The following PREP variants were observed in gnomAD, a reference collection of about 807,000 sequenced individuals.
PREP encodes the protein prolyl endopeptidase, also known as dJ355L5.1 (prolyl endopeptidase).
PREP carries 29 observed loss-of-function variants against 87.6 expected under a neutral mutation model. The ratio of observed to expected loss-of-function variants is 0.33; its 90% CI spans 0.25 to 0.45. The LOEUF is 0.45. Ranked by LOEUF, PREP falls within the 20% of genes least tolerant of loss-of-function variation. PREP has a pLI of 1.00. For synonymous variants in PREP, 337 were observed against 328.6 expected (o/e 1.03, Z -0.28); for missense variants, 695 against 886.5 (o/e 0.78, Z 2.74).
At chr6:105,360,179 T>C (rs1772210382) in intron 6 of PREP, among the ~76,000 whole-genome samples, 1 of 152,176 alleles carries the variant, frequency 6.6e-6, no homozygotes, top group African/African-American at 2.4e-5. Context: ...AGATCTCAAC[T>C]TTAGTGCTGA....
At chr6:105,322,348 C>G (rs907592702) in intron 10 of PREP, 1 of 929,118 alleles carries the variant, frequency 1.1e-6, no homozygotes, top group African/African-American at 1.8e-5. Context: ...TATACCTTAT[C>G]TCTTAATAAT....
At chr6:105,324,606 G>C (rs1583055969) in intron 9 of PREP, among the ~76,000 whole-genome samples, 1 of 152,110 alleles carries the variant, frequency 6.6e-6, no homozygotes, top group Non-Finnish European at 1.5e-5. Flanking sequence ...ATAATACTTT[G>C]AGCATATGCT....
intron 9 of PREP, among the ~76,000 whole-genome samples, chr6:105,326,283 A>T (rs1771156596): frequency 6.6e-6 from 1 of 152,148 alleles, no homozygotes; most frequent in Non-Finnish European, 1.5e-5. Flanking sequence ...CACCCTAGGC[A>T]ACTCTCCAAG....
chr6:105,363,809 C>T (rs546331458), intron 6 of PREP, among the ~76,000 whole-genome samples: 62 of 152,168 alleles, frequency 4.1e-4, no homozygotes, highest in Non-Finnish European at 7.9e-4. Context: ...GTCTGAATCT[C>T]GAGGGAATGC....
chr6:105,365,579 T>G (rs1395076231), intron 6 of PREP, among the ~76,000 whole-genome samples: 1 of 152,158 alleles, frequency 6.6e-6, no homozygotes, highest in Admixed American at 6.5e-5. Context: ...TACTCCTCCA[T>G]GTAGCAAGAT....
intron 2 of PREP, among the ~76,000 whole-genome samples, chr6:105,391,470 T>A (rs562737385): frequency 9.8e-4 from 150 of 152,316 alleles, no homozygotes; most frequent in Non-Finnish European, 1.5e-3. Context: ...AATCCTCCCA[T>A]CTTGGCCTCC....
At chr6:105,280,126 GA>G (rs1176597118) in intron 14 of PREP, among the ~76,000 whole-genome samples, 1 of 152,110 alleles carries the variant, frequency 6.6e-6, no homozygotes, top group African/African-American at 2.4e-5. Flanking sequence ...CAAACAAAAT[GA>G]AAGAGCAAAC....
At chr6:105,386,487 C>G (rs1315175065) in intron 2 of PREP, among the ~76,000 whole-genome samples, 1 of 152,082 alleles carries the variant, frequency 6.6e-6, no homozygotes, top group Non-Finnish European at 1.5e-5. Flanking sequence ...AGAGCTGATT[C>G]AAATGGTCAG....
chr6:105,377,267 T>C, intron 3 of PREP, 119 bp downstream of exon 3: 1 of 1,189,424 alleles, frequency 8.4e-7, no homozygotes, highest in Non-Finnish European at 1.2e-6. Flanking sequence ...GGCATAGAAA[T>C]TAATTCCTTA....
chr6:105,352,838 G>GA (rs371662381), intron 7 of PREP, 134 bp downstream of exon 7: 73 of 794,858 alleles, frequency 9.2e-5, no homozygotes, highest in South Asian at 1.2e-4. Context: ...AGTACTAAAA[G>GA]AAAAAAAATC....
chr6:105,376,161 T>A lies in PREP; in HGVS notation c.349A>T (p.Asn117Tyr). ...ACTGTGCCATCGTCAGACAGTATGT[T>A]GGGGTCCAGGAACACTCTGGCCTCA... Reference protein sequence around the residue: ...EGEARVFLDPNILSDDGTVAL... With the variant: ...EGEARVFLDPYILSDDGTVAL... The change falls in exon 4 of 15, where the codon AAC becomes TAC. Residue 117 changes from asparagine to tyrosine, a missense_variant. Asn to Tyr is a moderately radical substitution (Grantham distance 143). Transcript: ENST00000652536. 1 of 1,613,920 alleles carries A rather than the reference T, an allele frequency of 6.2e-7. No individual in the cohort carries two copies. Among genetic ancestry groups the A allele is most frequent in the Non-Finnish European group, 8.5e-7 (1 of 1,179,852 alleles).
At position 105,374,632 on chromosome 6, in the gene PREP, TTATATATATATA is replaced by T. The variant is rs61452752; in HGVS notation, c.386-1066_386-1055del. On this transcript the variant is annotated intron_variant, in intron 4 of 14. Coordinates refer to ENST00000652536, the MANE Select transcript of PREP (RefSeq NM_002726.5). ...CATAGCACTGGAGTGTTTGAATTGT[TTATATATATATA>T]TATATATATATATATATATATATAT... Among the ~76,000 whole-genome samples the T allele has an allele frequency of 1.2e-3, 113 of 91,764 alleles. 3 individuals are homozygous for T. Among genetic ancestry groups the T allele is most frequent in the East Asian group, 2.2e-3 (4 of 1,818 alleles). The allele number at this position is 91,764 out of a possible 152,430, so 60.2% of individuals were successfully genotyped here. A position where few individuals can be genotyped will look rare whatever the true frequency, so the allele number is the denominator to read the frequency against.
At chr6:105,360,636 A>G (rs1583081081) in intron 6 of PREP, among the ~76,000 whole-genome samples, 1 of 152,228 alleles carries the variant, frequency 6.6e-6, no homozygotes, top group Non-Finnish European at 1.5e-5. Flanking sequence ...TATAAAATAC[A>G]TATTTTATAC....
intron 6 of PREP, among the ~76,000 whole-genome samples, chr6:105,353,771 C>CAAAAAAAA (rs397824826): frequency 1.4e-5 from 1 of 71,054 alleles, no homozygotes; most frequent in African/African-American, 4.2e-5. Flanking sequence ...GACTCCATCT[C>CAAAAAAAA]AAAAAAAAAA....
chr6:105,322,086 A>AG (rs1339415522), intron 10 of PREP, among the ~76,000 whole-genome samples: 1 of 152,152 alleles, frequency 6.6e-6, no homozygotes, highest in African/African-American at 2.4e-5. Flanking sequence ...AATTAGAGGA[A>AG]AAAAAAGAGC....
chr6:105,335,672 A>C (rs1486341649), intron 7 of PREP, among the ~76,000 whole-genome samples: 1 of 152,176 alleles, frequency 6.6e-6, no homozygotes, highest in Non-Finnish European at 1.5e-5. Context: ...CCGGAAGACC[A>C]TGAGGTCGGG....
chr6:105,325,916 C>T (rs1196055103), intron 9 of PREP, among the ~76,000 whole-genome samples: 1 of 152,080 alleles, frequency 6.6e-6, no homozygotes, highest in Non-Finnish European at 1.5e-5. Context: ...GAGAAGGAGG[C>T]AGGGAGATCA....
chr6:105,395,949 CCT>C lies in PREP; in HGVS notation c.120+1902_120+1903del, dbSNP rs532265840. ...TGACTCTCCACTCCCAGACCCAATC[CCT>C]CTGTCTCAGTCAGCCCAGTGTTGAA... is the stretch of plus-strand genomic sequence containing the variant. On this transcript the variant is annotated intron_variant, in intron 2 of 14. Coordinates refer to ENST00000652536, the MANE Select transcript of PREP (RefSeq NM_002726.5). Among the ~76,000 whole-genome samples, 13 of 152,300 alleles carry C rather than the reference CCT, an allele frequency of 8.5e-5. No homozygotes were observed. The East Asian group carries it at 2.5e-3, about 29-fold the overall frequency.
Position 105,397,873 on chromosome 6 carries a change from G to T in PREP, c.100C>A (p.Pro34Thr). Residue 34 changes from proline (P) to threonine (T), a missense_variant, in exon 2 of 15, where the codon CCC (proline) becomes ACC (threonine). Transcript: ENST00000652536. ...ATTACCTTAGTCTGTTCACTGTCGG[G>T]GTCTTCAAGCCAGGCGTAAGGGTCA... ...ICDPYAWLED[P>T]DSEQTKAFVE... 1 of 1,612,042 alleles carries T rather than the reference G, an allele frequency of 6.2e-7. No homozygotes were observed. The highest frequency in any genetic ancestry group is 1.1e-5 in the South Asian group (1 of 91,022).
Sources: allele counts gnomAD v4.1 joint callset (sites outside exome capture counted in the v4.1 genomes callset), GRCh38; gene constraint gnomAD v4.1.1; transcripts MANE v1.5; gene names NCBI Gene and HGNC (gene_info 2026-07-23, HGNC 2026-07-21).